Variants in ADCK1 observed in about 807,000 individuals in gnomAD.
ADCK1 encodes the protein aarF domain containing kinase 1, also known as aarF domain-containing protein kinase 1.
In ADCK1, 41 loss-of-function variants were observed where a neutral mutation model predicts 52.3. The ratio of observed to expected loss-of-function variants is 0.78; its 90% CI spans 0.61 to 1.02. ADCK1 has a LOEUF of 1.02. Ranked by LOEUF, ADCK1 falls within the 50% of genes least tolerant of loss-of-function variation. ADCK1 has a pLI of 0.00. For synonymous variants in ADCK1, 250 were observed against 274.6 expected (o/e 0.91, Z 0.89); for missense variants, 658 against 679.5 (o/e 0.97, Z 0.35).
At chr14:77,864,198 A>G (rs1566679591) in intron 4 of ADCK1, among the ~76,000 whole-genome samples, 1 of 152,206 alleles carries the variant, frequency 6.6e-6, no homozygotes, top group Non-Finnish European at 1.5e-5. Context: ...GAGAAGGTGC[A>G]GGGGTACCGT....
chr14:77,809,151 T>A (rs1293446006), intron 1 of ADCK1, among the ~76,000 whole-genome samples: 1 of 151,328 alleles, frequency 6.6e-6, no homozygotes, highest in Non-Finnish European at 1.5e-5. Flanking sequence ...GAGTTTGGGC[T>A]TTGTGGTAGG....
At chr14:77,852,883 G>GTA (rs1287274541) in intron 3 of ADCK1, among the ~76,000 whole-genome samples, 212 of 18,500 alleles carry the variant, frequency 0.011, 15 homozygotes, top group Admixed American at 0.014. Flanking sequence ...TTTTATGTGT[G>GTA]TATATATATA....
chr14:77,913,833 G>C (rs1336735915), intron 7 of ADCK1, among the ~76,000 whole-genome samples: 1 of 152,264 alleles, frequency 6.6e-6, no homozygotes, highest in South Asian at 2.1e-4. Flanking sequence ...CACCAGCCTG[G>C]CTGTCCCAGA....
In ADCK1 at chr14:77,822,477, G is replaced by T. The variant is rs775567538; in HGVS notation, c.178G>T (p.Val60Phe). The T allele has an allele frequency of 6.2e-7, 1 of 1,614,176 alleles. No homozygotes were observed. Among genetic ancestry groups the T allele is most frequent in the South Asian group, 1.1e-5 (1 of 91,078 alleles). The change falls in exon 3 of 11, where the codon GTC becomes TTC. Residue 60 changes from valine (V) to phenylalanine (F), a missense_variant. Physicochemically the swap from Val to Phe is conservative, Grantham distance 50. Transcript: ENST00000238561. Reference sequence around the variant, plus strand: ...CGACTACCTCACTTCCCTGAAGAGTGTCCCTTATGGCTCAGAGGAGTACTT... The same window carrying T: ...CGACTACCTCACTTCCCTGAAGAGTTTCCCTTATGGCTCAGAGGAGTACTT... ...SYDYLTSLKS[V>F]PYGSEEYLQL...
intron 1 of ADCK1, among the ~76,000 whole-genome samples, chr14:77,804,090 G>T (rs1201245808): frequency 6.6e-6 from 1 of 152,132 alleles, no homozygotes; most frequent in Non-Finnish European, 1.5e-5. Flanking sequence ...ATAAAGGCTA[G>T]TTCTTGCTAG....
chr14:77,887,131 G>A lies in ADCK1; in HGVS notation c.464G>A (p.Gly155Glu). The A allele has an allele frequency of 6.2e-7, 1 of 1,606,620 alleles. No individual in the cohort carries two copies. Among genetic ancestry groups the A allele is most frequent in the Non-Finnish European group, 8.5e-7 (1 of 1,176,444 alleles). ...LFQSFDDTPLGTASLAQVHKA... is the reference protein window; with the variant it reads ...LFQSFDDTPLETASLAQVHKA... ...CAGAGCTTCGATGACACCCCTCTGG[G>A]GACGGCCTCCCTGGCCCAGGTCCAC... The change falls in exon 5 of 11, where the codon GGG (glycine) becomes GAG (glutamate). Residue 155 changes from glycine to glutamate, a missense_variant. Coordinates refer to ENST00000238561, the MANE Select transcript of ADCK1 (RefSeq NM_020421.4).
intron 6 of ADCK1, among the ~76,000 whole-genome samples, chr14:77,904,859 G>T (rs2083623134): frequency 1.3e-5 from 2 of 152,106 alleles, no homozygotes; most frequent in Non-Finnish European, 2.9e-5. Flanking sequence ...GGAGTGCGGG[G>T]TGCTTATTGA....
At chr14:77,823,560 C>CTTTATTTATTTA (rs66494884) in intron 3 of ADCK1, among the ~76,000 whole-genome samples, 7 of 137,050 alleles carry the variant, frequency 5.1e-5, no homozygotes, top group East Asian at 2.2e-4. Context: ...TCTTTCCCCC[C>CTTTATTTATTTA]TTTATTTATT....
intron 4 of ADCK1, among the ~76,000 whole-genome samples, chr14:77,869,429 G>A (rs935345609): frequency 6.6e-6 from 1 of 152,106 alleles, no homozygotes; most frequent in Non-Finnish European, 1.5e-5. Context: ...CTGGCTCTGT[G>A]TCCAAATTTC....
At chr14:77,867,756 T>A (rs1254056166) in intron 4 of ADCK1, among the ~76,000 whole-genome samples, 1 of 152,206 alleles carries the variant, frequency 6.6e-6, no homozygotes, top group Non-Finnish European at 1.5e-5. Flanking sequence ...GCTCCCGGCC[T>A]GTGTCCTGCA....
At chr14:77,812,517 A>G (rs1056917661) in intron 1 of ADCK1, among the ~76,000 whole-genome samples, 1 of 151,966 alleles carries the variant, frequency 6.6e-6, no homozygotes, top group African/African-American at 2.4e-5. Flanking sequence ...ATATATATAT[A>G]TTTCACAATT....
At chr14:77,925,034 A>C (rs2084156488) in intron 8 of ADCK1, among the ~76,000 whole-genome samples, 1 of 152,198 alleles carries the variant, frequency 6.6e-6, no homozygotes, top group African/African-American at 2.4e-5. Context: ...GGAGGGCCTC[A>C]GACTGTGTCC....
chr14:77,801,203 G>C (rs975400183), intron 1 of ADCK1, among the ~76,000 whole-genome samples: 7 of 152,192 alleles, frequency 4.6e-5, no homozygotes, highest in African/African-American at 1.7e-4. Flanking sequence ...TTCTGATTCT[G>C]TAAGTCTGGT....
chr14:77,859,116 G>C lies in ADCK1; in HGVS notation c.260G>C (p.Cys87Ser). Residue 87 changes from cysteine (C) to serine (S), a missense_variant, in exon 4 of 11, where the codon TGT (cysteine) becomes TCT (serine). Coordinates refer to ENST00000238561, the MANE Select transcript of ADCK1 (RefSeq NM_020421.4). ...GCCAGGCGTCTCTGTGAGCTCTGCT[G>C]TGCCAACCGGGGCACCTTCATCAAG... ...RSARRLCELCCANRGTFIKVG... is the reference protein window; with the variant it reads ...RSARRLCELCSANRGTFIKVG... 1 of 1,612,560 alleles carries C rather than the reference G, an allele frequency of 6.2e-7. No individual in the cohort carries two copies. The highest frequency in any genetic ancestry group is 8.5e-7 in the Non-Finnish European group (1 of 1,179,756).
chr14:77,845,809 A>G (rs1050819699), intron 3 of ADCK1, among the ~76,000 whole-genome samples: 11 of 152,162 alleles, frequency 7.2e-5, no homozygotes, highest in African/African-American at 2.4e-4. Flanking sequence ...CTCCCTCTGC[A>G]GTATCCCTCA....
intron 4 of ADCK1, among the ~76,000 whole-genome samples, chr14:77,883,539 A>G (rs1314707699): frequency 6.6e-6 from 1 of 152,224 alleles, no homozygotes; most frequent in Non-Finnish European, 1.5e-5. Flanking sequence ...AGGCTGCAGC[A>G]CCAATCTTTA....
At chr14:77,806,373 G>C (rs781230388) in intron 1 of ADCK1, among the ~76,000 whole-genome samples, 4 of 152,122 alleles carry the variant, frequency 2.6e-5, no homozygotes, top group Non-Finnish European at 5.9e-5. Flanking sequence ...GAGTGAGCAA[G>C]GACAGGTTGG....
At chr14:77,858,158 A>T (rs971961881) in intron 3 of ADCK1, among the ~76,000 whole-genome samples, 1 of 151,966 alleles carries the variant, frequency 6.6e-6, no homozygotes, top group African/African-American at 2.4e-5. Context: ...TTAATAGGAG[A>T]CCCCTGCTAA....
At chr14:77,852,285 C>T (rs531363031) in intron 3 of ADCK1, among the ~76,000 whole-genome samples, 1 of 152,276 alleles carries the variant, frequency 6.6e-6, no homozygotes, top group Non-Finnish European at 1.5e-5. Flanking sequence ...GCATGAGCCA[C>T]CAAGCCTGGC....
Sources: gnomAD v4.1 joint callset for allele counts (sites outside exome capture counted in the v4.1 genomes callset) on GRCh38, gnomAD v4.1.1 for gene constraint, MANE v1.5 for transcripts, NCBI Gene and HGNC (gene_info 2026-07-23, HGNC 2026-07-21) for gene names.